Variants in CEP135 observed in about 807,000 individuals in gnomAD.
CEP135 encodes centrosomal protein of 135 kDa.
In CEP135, 142 loss-of-function variants were observed where a neutral mutation model predicts 157.3. The observed-to-expected ratio is 0.90, with a 90% CI of 0.79 to 1.04. The LOEUF is 1.04. Ranked by LOEUF, CEP135 falls within the 50% of genes least tolerant of loss-of-function variation. The probability of loss-of-function intolerance (pLI) is 0.00; values close to 1 mark genes in which losing one functional copy is unlikely to be tolerated. For synonymous variants in CEP135, 396 were observed against 439.8 expected (o/e 0.90, Z 1.25); for missense variants, 1,317 against 1,309.2 (o/e 1.01, Z -0.09).
rs936196303 is a variant in CEP135 at position 56,000,025 on chromosome 4, A to G, written c.2280+380A>G. On this transcript the variant is annotated intron_variant, in intron 17 of 25. Coordinates refer to ENST00000257287, the MANE Select transcript of CEP135 (RefSeq NM_025009.5). Reference sequence around the variant, plus strand: ...GGCCACGTGGTGAGACTCCATCTCTACCAAAAATACAAAAAATTAGCTAGG... The same window carrying G: ...GGCCACGTGGTGAGACTCCATCTCTGCCAAAAATACAAAAAATTAGCTAGG... Among the ~76,000 whole-genome samples the G allele has an allele frequency of 2.0e-5, 3 of 152,030 alleles. No homozygotes were observed. In the South Asian group the frequency reaches 6.2e-4, roughly 32 times the overall value.
chr4:56,025,608 G>A (rs1330025440), intron 25 of CEP135, among the ~76,000 whole-genome samples: 1 of 152,128 alleles, frequency 6.6e-6, no homozygotes, highest in Non-Finnish European at 1.5e-5. Context: ...CAGTCCTCCT[G>A]TGTATAGGAT....
chr4:55,981,589 T>G (rs1276427189), intron 13 of CEP135, among the ~76,000 whole-genome samples: 2 of 152,216 alleles, frequency 1.3e-5, no homozygotes, highest in East Asian at 1.9e-4. Context: ...TATCTTTAGC[T>G]TCTTTTGTAG....
rs530362841 is a variant in CEP135, at chr4:55,956,724, C to T, written c.473-499C>T. 6.6e-5 allele frequency among the ~76,000 whole-genome samples: 10 copies of T among 152,204 alleles called. No homozygotes were observed. The East Asian group carries it at 1.9e-3, about 29-fold the overall frequency. On this transcript the variant is annotated intron_variant, in intron 4 of 25. Transcript: ENST00000257287. ...CTCCCGGGTTCAAGAGATTCTCCTG[C>T]CTCAGCCTCCCAAGTAGCTGGGATT...
chr4:56,008,754 T>G (rs1336860105), intron 18 of CEP135, among the ~76,000 whole-genome samples: 1 of 152,248 alleles, frequency 6.6e-6, no homozygotes, highest in Non-Finnish European at 1.5e-5. Context: ...TTACATTTTA[T>G]GTATAGTCTC....
intron 25 of CEP135, among the ~76,000 whole-genome samples, chr4:56,028,246 G>A (rs1421312294): frequency 6.6e-6 from 1 of 152,280 alleles, no homozygotes; most frequent in East Asian, 1.9e-4. Context: ...CCTGAGACTA[G>A]AATTGGTGGG....
chr4:55,981,305 A>C lies in CEP135; in HGVS notation c.1705A>C (p.Lys569Gln). 6.3e-7 allele frequency: 1 copy of C among 1,598,552 alleles called. No homozygotes were observed. Among genetic ancestry groups the C allele is most frequent in the Non-Finnish European group, 8.5e-7 (1 of 1,175,402 alleles). ...APHNIVSLME[K>Q]EKELALSDLR... is the part of the protein sequence containing the mutation. ...CCATAATATTGTTAGTCTTATGGAA[A>C]AGGAAAAAGAACTTGCGTTATCTGA... The change falls in exon 13 of 26, where the codon AAG becomes CAG. Residue 569 changes from lysine (K) to glutamine (Q), a missense_variant. Lys to Gln is a moderately conservative substitution (Grantham distance 53). Coordinates refer to ENST00000257287, the MANE Select transcript of CEP135 (RefSeq NM_025009.5).
intron 10 of CEP135, 47 bp downstream of exon 10, chr4:55,971,455 T>C: frequency 6.6e-7 from 1 of 1,524,250 alleles, no homozygotes; most frequent in Non-Finnish European, 8.8e-7. Context: ...TGATTTCCTC[T>C]TGATGTATTG....
chr4:55,983,805 C>T (rs1729487907), intron 13 of CEP135, among the ~76,000 whole-genome samples: 2 of 152,160 alleles, frequency 1.3e-5, no homozygotes, highest in Non-Finnish European at 2.9e-5. Flanking sequence ...TAGGCATGAG[C>T]CACCATGCCC....
chr4:55,949,204 G>C (rs1728267169), intron 1 of CEP135, 145 bp downstream of exon 1: 1 of 152,140 alleles, frequency 6.6e-6, no homozygotes, highest in Non-Finnish European at 1.5e-5. Context: ...GGTCAGACCG[G>C]GCGGGGAGGG....
chr4:55,957,980 T>C (rs1728556513), intron 5 of CEP135, among the ~76,000 whole-genome samples: 1 of 152,154 alleles, frequency 6.6e-6, no homozygotes, highest in Non-Finnish European at 1.5e-5. Context: ...TATAAGAGGC[T>C]CAAAGGAATG....
intron 8 of CEP135, 120 bp downstream of exon 8, chr4:55,965,979 T>C: frequency 1.2e-6 from 1 of 803,486 alleles, no homozygotes; most frequent in Non-Finnish European, 1.9e-6. Flanking sequence ...TCTGTTTTTG[T>C]TTTTTTGCTT....
chr4:56,004,321 G>T (rs964493313), intron 17 of CEP135, among the ~76,000 whole-genome samples: 2 of 152,130 alleles, frequency 1.3e-5, no homozygotes, highest in East Asian at 1.9e-4. Context: ...TTGTTTTGTG[G>T]CATGAACTAT....
chr4:56,000,953 G>A (rs1322237397), intron 17 of CEP135, among the ~76,000 whole-genome samples: 1 of 152,048 alleles, frequency 6.6e-6, no homozygotes, highest in Non-Finnish European at 1.5e-5. Flanking sequence ...ATTCTAACTG[G>A]GGTGAGACGA....
intron 8 of CEP135, among the ~76,000 whole-genome samples, chr4:55,967,526 C>T (rs114654797): frequency 2.0e-3 from 309 of 152,230 alleles, no homozygotes; most frequent in African/African-American, 7.2e-3. Flanking sequence ...ATGCAGAACT[C>T]ACATGATAGC....
chr4:56,027,679 TTTTTG>T (rs1191806099), intron 25 of CEP135, among the ~76,000 whole-genome samples: 1 of 151,592 alleles, frequency 6.6e-6, no homozygotes, highest in African/African-American at 2.4e-5. Flanking sequence ...AGACACTGCA[TTTTTG>T]TTTTGTTTTG....
At chr4:56,030,440 G>GTGTTT (rs1179435555) in intron 25 of CEP135, among the ~76,000 whole-genome samples, 18 of 152,182 alleles carry the variant, frequency 1.2e-4, no homozygotes, top group East Asian at 5.8e-4. Flanking sequence ...TTCTGTGTGT[G>GTGTTT]TGTTTTGTTT....
At position 56,009,750 on chromosome 4, in the gene CEP135, A is replaced by G. The variant is rs150645094; in HGVS notation, c.2352A>G (p.Thr784=). The change falls in exon 19 of 26, where the codon ACA becomes ACG. Residue 784 remains threonine, a synonymous_variant. Coordinates refer to ENST00000257287, the MANE Select transcript of CEP135 (RefSeq NM_025009.5). ...CATTTAACAGCCAGCTGAAAGAAACATTGGTTAATCGAGATCGTGAGATAA... is the reference window on the plus strand; with the variant it reads ...CATTTAACAGCCAGCTGAAAGAAACGTTGGTTAATCGAGATCGTGAGATAA... ...CESSVNQLKE[T]LVNRDREINS... The G allele has an allele frequency of 1.6e-4, 255 of 1,602,998 alleles. 1 individual carries two copies. In the African/African-American group the frequency reaches 2.8e-3, roughly 17 times the overall value.
intron 4 of CEP135, 87 bp downstream of exon 4, chr4:55,954,470 G>A: frequency 8.7e-7 from 1 of 1,145,184 alleles, no homozygotes; most frequent in Non-Finnish European, 1.2e-6. Context: ...ACTTTGGATT[G>A]GATTTTCATG....
At chr4:55,975,007 T>C in intron 11 of CEP135, 38 bp downstream of exon 11, 1 of 1,412,536 alleles carries the variant, frequency 7.1e-7, no homozygotes, top group Non-Finnish European at 9.6e-7. Context: ...GAAAGTATCT[T>C]TATGAATAAA....
Sources: allele counts gnomAD v4.1 joint callset (sites outside exome capture counted in the v4.1 genomes callset), GRCh38; gene constraint gnomAD v4.1.1; transcripts MANE v1.5; gene names NCBI Gene and HGNC (gene_info 2026-07-23, HGNC 2026-07-21).